ACIN1: variants seen among roughly 807,000 people sequenced by gnomAD.
ACIN1 encodes apoptotic chromatin condensation inducer in the nucleus.
ACIN1 carries 16 observed loss-of-function variants against 146.6 expected under a neutral mutation model. The observed-to-expected ratio is 0.11, with a 90% CI of 0.07 to 0.17. ACIN1 has a LOEUF of 0.17. ACIN1 is among the 10% of genes least tolerant of loss of function. ACIN1 has a pLI of 1.00. For synonymous variants in ACIN1, 569 were observed against 582.7 expected, an observed-to-expected ratio of 0.98 and a Z score of 0.34; for missense variants, 1,357 against 1,609.3, an observed-to-expected ratio of 0.84 and a Z score of 2.68.
intron 8 of ACIN1, among the ~76,000 whole-genome samples, chr14:23,076,779 G>C (rs1182586248): frequency 1.3e-5 from 2 of 152,198 alleles, no homozygotes; most frequent in African/African-American, 4.8e-5. Flanking sequence ...ATGGAATTGG[G>C]AGGAGGGGGG....
rs2047521970 is a variant in ACIN1, at chr14:23,068,350, G to A, written c.2265+1126C>T. On this transcript the variant is annotated intron_variant, in intron 9 of 18. Coordinates refer to ENST00000605057, the MANE Select transcript of ACIN1 (RefSeq NM_001386863.1). This position sits in a 1 kb window ranked among gnomAD's most constrained non-coding sequence, Gnocchi z 4.3. ...CATGTGGGCAGGCGCCCCAGCACTG[G>A]CACAAGCTCTTCTTGGGGTGTCCCA... 1.0e-6 allele frequency: 1 copy of A among 985,960 alleles called. No homozygotes were observed. Among genetic ancestry groups the A allele is most frequent in the Non-Finnish European group, 1.2e-6 (1 of 829,992 alleles). 61.1% of individuals were successfully genotyped at this position (985,960 alleles called of 1,614,324 possible). A position where few individuals can be genotyped will look rare whatever the true frequency, so the allele number is the denominator to read the frequency against.
chr14:23,068,215 T>G lies in ACIN1; in HGVS notation c.2265+1261A>C, dbSNP rs2047518159. On this transcript the variant is annotated intron_variant, in intron 9 of 18. Coordinates refer to ENST00000605057, the MANE Select transcript of ACIN1 (RefSeq NM_001386863.1). This position sits in a 1 kb window ranked among gnomAD's most constrained non-coding sequence, Gnocchi z 4.3. ...TAAGTAGAGGGTCCCACTCAGTGTT[T>G]TACAGCATGGCACTGCGATCACAAA... 1.0e-6 allele frequency: 1 copy of G among 985,806 alleles called. No individual in the cohort carries two copies. Among genetic ancestry groups the G allele is most frequent in the Admixed American group, 6.1e-5 (1 of 16,268 alleles). 61.1% of individuals were successfully genotyped at this position (985,806 alleles called of 1,614,324 possible). A position where few individuals can be genotyped will look rare whatever the true frequency, so the allele number is the denominator to read the frequency against.
chr14:23,090,278 G>A (rs538536168), intron 3 of ACIN1, among the ~76,000 whole-genome samples, 177 bp from the exon 4 acceptor site: 11 of 152,294 alleles, frequency 7.2e-5, no homozygotes, highest in African/African-American at 2.6e-4. Context: ...CTAAATGGTA[G>A]CTTAATTTAC....
intron 4 of ACIN1, among the ~76,000 whole-genome samples, chr14:23,084,279 G>A (rs140268829): frequency 0.036 from 5,528 of 152,144 alleles, 144 homozygotes; most frequent in Non-Finnish European, 0.052. Flanking sequence ...AATCTAAAAT[G>A]AACTAGGCGA....
intron 12 of ACIN1, 45 bp from the exon 13 acceptor site, chr14:23,063,622 C>T: frequency 6.2e-7 from 1 of 1,609,932 alleles, no homozygotes; most frequent in South Asian, 1.1e-5. Context: ...AAACACCAAA[C>T]TGGCATATTC....
At position 23,061,353 on chromosome 14, in the gene ACIN1, A is replaced by T. The variant is rs759755839; in HGVS notation, c.3369T>A (p.Arg1123=). The change falls in exon 17 of 19, where the codon CGT becomes CGA. Residue 1123 remains arginine (R), a synonymous_variant. Transcript: ENST00000605057. ...REGPRSRSRS[R]DRRRKERAKS... Reference sequence around the variant, plus strand: ...TCGCACGTTCCTTGCGGCGGCGGTCACGGGACCTTGATCGGGAACGGGGCC... The same window carrying T: ...TCGCACGTTCCTTGCGGCGGCGGTCTCGGGACCTTGATCGGGAACGGGGCC... 6.2e-7 allele frequency: 1 copy of T among 1,614,124 alleles called. No homozygotes were observed. The highest frequency in any genetic ancestry group is 1.3e-5 in the African/African-American group (1 of 75,016).
intron 2 of ACIN1, among the ~76,000 whole-genome samples, chr14:23,091,577 A>G (rs994801645): frequency 6.6e-6 from 1 of 152,004 alleles, no homozygotes; most frequent in African/African-American, 2.4e-5. Flanking sequence ...GAAAAAAAAA[A>G]AAAAAAGCCA....
intron 8 of ACIN1, among the ~76,000 whole-genome samples, chr14:23,075,323 C>CCT (rs1555372709): frequency 0.02 from 2,723 of 133,340 alleles, 86 homozygotes; most frequent in African/African-American, 0.074. Context: ...CTTTCTTCCC[C>CCT]TTTTTTTTTT....
intron 8 of ACIN1, among the ~76,000 whole-genome samples, chr14:23,073,595 T>C (rs2047721056): frequency 6.6e-6 from 1 of 151,858 alleles, no homozygotes; most frequent in Non-Finnish European, 1.5e-5. Context: ...GATGCAGAGG[T>C]TGTGGTGAGC....
chr14:23,073,839 CT>C (rs530712203), intron 8 of ACIN1, among the ~76,000 whole-genome samples: 2,990 of 135,718 alleles, frequency 0.022, 79 homozygotes, highest in African/African-American at 0.075. Flanking sequence ...TTGAAAATTC[CT>C]TTTTTTTTTT....
intron 8 of ACIN1, among the ~76,000 whole-genome samples, chr14:23,074,925 A>G (rs1368930124): frequency 6.6e-6 from 1 of 152,252 alleles, no homozygotes; most frequent in African/African-American, 2.4e-5. Flanking sequence ...TGAAAATTTA[A>G]TAAGAAACAG....
At chr14:23,093,639 C>A in intron 1 of ACIN1, 95 bp from the exon 2 acceptor site, 1 of 986,344 alleles carries the variant, frequency 1.0e-6, no homozygotes, top group South Asian at 1.4e-5. Context: ...AACGCAATGA[C>A]TTAAATACAC....
chr14:23,084,278 T>C (rs1445037724), intron 4 of ACIN1, among the ~76,000 whole-genome samples: 1 of 152,024 alleles, frequency 6.6e-6, no homozygotes, highest in Non-Finnish European at 1.5e-5. Flanking sequence ...CAATCTAAAA[T>C]GAACTAGGCG....
rs1468674890 is a variant in ACIN1, at chr14:23,090,190, G to A, written c.317-89C>T. On this transcript the variant is annotated intron_variant, in intron 3 of 18. Coordinates refer to ENST00000605057, the MANE Select transcript of ACIN1 (RefSeq NM_001386863.1). ...AGAGGAGTGAAGGAGGTCAGGCAAA[G>A]TCACAGATACAGAGATACATACCAA... The A allele has an allele frequency of 2.6e-6, 4 of 1,512,696 alleles. No individual in the cohort carries two copies. The East Asian group carries it at 6.8e-5, about 26-fold the overall frequency. 93.7% of individuals were successfully genotyped at this position (1,512,696 alleles called of 1,614,324 possible). A position where few individuals can be genotyped will look rare whatever the true frequency, so the allele number is the denominator to read the frequency against.
At chr14:23,069,652 G>GGGCCGGC in intron 8 of ACIN1, 35 bp from the exon 9 acceptor site, 1 of 577,974 alleles carries the variant, frequency 1.7e-6, no homozygotes, top group Non-Finnish European at 3.3e-6. Context: ...GGGGGGGCGG[G>GGGCCGGC]CAGAAAAGAA....
chr14:23,088,333 A>G (rs2048140063), intron 4 of ACIN1, among the ~76,000 whole-genome samples: 1 of 152,154 alleles, frequency 6.6e-6, no homozygotes, highest in Non-Finnish European at 1.5e-5. Context: ...ATTCCAAAGT[A>G]TTGGCCAGTA....
At chr14:23,082,913 T>C (rs957699347) in intron 4 of ACIN1, among the ~76,000 whole-genome samples, 7 of 151,416 alleles carry the variant, frequency 4.6e-5, no homozygotes, top group Non-Finnish European at 7.4e-5. Context: ...CTAATTTCGG[T>C]ATTTTTTACA....
rs1465956092 is a variant in ACIN1 at position 23,088,770 on chromosome 14, A to G, written c.436+1212T>C. On this transcript the variant is annotated intron_variant, in intron 4 of 18. Transcript: ENST00000605057. ...CTTTTCCAAAATGCTTGGGATCACAAGTGTTTTAGATTTTGGATTTTTGAA... is the reference window on the plus strand; with the variant it reads ...CTTTTCCAAAATGCTTGGGATCACAGGTGTTTTAGATTTTGGATTTTTGAA... Among the ~76,000 whole-genome samples, 10 of 152,296 alleles carry G rather than the reference A, an allele frequency of 6.6e-5. No homozygotes were observed. In the East Asian group the frequency reaches 1.9e-3, roughly 29 times the overall value.
intron 8 of ACIN1, among the ~76,000 whole-genome samples, chr14:23,070,965 G>A (rs2047625958): frequency 2.0e-5 from 3 of 152,164 alleles, no homozygotes; most frequent in Non-Finnish European, 1.5e-5. Context: ...AGGGCATGTG[G>A]GGCCAATTAG....
Sources: gnomAD v4.1 joint callset for allele counts (sites outside exome capture counted in the v4.1 genomes callset) on GRCh38, gnomAD v4.1.1 for gene constraint, Gnocchi (gnomAD v3.1) non-coding constraint, MANE v1.5 for transcripts, NCBI Gene and HGNC (gene_info 2026-07-23, HGNC 2026-07-21) for gene names.